THAP5: variants seen among roughly 807,000 people sequenced by gnomAD.
The protein encoded by THAP5 is THAP domain-containing protein 5.
In THAP5, 26 loss-of-function variants were observed where a neutral mutation model predicts 34.0. That is an observed-to-expected ratio of 0.77 (90% confidence interval 0.56 to 1.06). The LOEUF (loss-of-function observed/expected upper bound fraction) is 1.06. THAP5 is among the 50% of genes least tolerant of loss of function. THAP5 has a pLI of 0.00. For synonymous variants in THAP5, 125 were observed against 153.0 expected (o/e 0.82, Z 1.35); for missense variants, 394 against 452.8 (o/e 0.87, Z 1.18).
chr7:108,551,410 T>A (rs572243708), downstream of THAP5, among the ~76,000 whole-genome samples: 32 of 152,220 alleles, frequency 2.1e-4, no homozygotes, highest in Admixed American at 7.2e-4. Flanking sequence ...GAGGACACAA[T>A]GTTCATCCTC....
intron 1 of THAP5, among the ~76,000 whole-genome samples, chr7:108,567,513 G>T (rs1358919593): frequency 6.6e-6 from 1 of 151,812 alleles, no homozygotes; most frequent in Admixed American, 6.5e-5. Context: ...ATTGTTTACT[G>T]GATTGTATTG....
intron 1 of THAP5, 166 bp downstream of exon 1, chr7:108,569,324 T>C (rs1790559283): frequency 6.8e-7 from 1 of 1,460,916 alleles, no homozygotes; most frequent in Non-Finnish European, 9.0e-7. Context: ...AGGGCATTGC[T>C]AGCTAAACTG....
chr7:108,568,781 G>A (rs1412986984), intron 1 of THAP5, among the ~76,000 whole-genome samples: 1 of 152,174 alleles, frequency 6.6e-6, no homozygotes, highest in Non-Finnish European at 1.5e-5. Context: ...TACTTTCCAA[G>A]AGGTCATTAA....
chr7:108,553,866 C>A (rs1176439565), downstream of THAP5, among the ~76,000 whole-genome samples: 1 of 152,096 alleles, frequency 6.6e-6, no homozygotes, highest in East Asian at 1.9e-4. Context: ...ACTGAGTGAC[C>A]ATGAAATAGA....
intron 1 of THAP5, among the ~76,000 whole-genome samples, chr7:108,555,137 T>A (rs1026123503): frequency 1.1e-4 from 16 of 152,080 alleles, no homozygotes; most frequent in African/African-American, 3.9e-4. Context: ...CCATTAAAAA[T>A]GGTCAAACCC....
At chr7:108,559,570 G>A (rs1009940830), downstream of THAP5, among the ~76,000 whole-genome samples, 4 of 152,204 alleles carry the variant, frequency 2.6e-5, no homozygotes, top group African/African-American at 2.4e-5. Context: ...AAGAGATTGT[G>A]AATGAAGTGA....
chr7:108,566,524 A>C (rs1790491393), intron 1 of THAP5, among the ~76,000 whole-genome samples: 4 of 152,210 alleles, frequency 2.6e-5, no homozygotes, highest in Admixed American at 2.6e-4. Flanking sequence ...TGTTATTTCA[A>C]ACAAATGATT....
downstream of THAP5, among the ~76,000 whole-genome samples, chr7:108,559,856 C>T (rs961188452): frequency 2.6e-5 from 4 of 152,082 alleles, no homozygotes; most frequent in African/African-American, 9.7e-5. Flanking sequence ...GAAAACTGCC[C>T]CCATGATCCA....
chr7:108,553,748 T>A (rs2154517843), downstream of THAP5, among the ~76,000 whole-genome samples: 1 of 152,176 alleles, frequency 6.6e-6, no homozygotes, highest in East Asian at 1.9e-4. Flanking sequence ...CAGAAGCTTC[T>A]GCCCTAAAAA....
At chr7:108,560,683 GA>G (rs1339017493), downstream of THAP5, among the ~76,000 whole-genome samples, 1 of 152,210 alleles carries the variant, frequency 6.6e-6, no homozygotes, top group African/African-American at 2.4e-5. Context: ...CAGTTGACAT[GA>G]GGGAGCCTCT....
In THAP5 at chr7:108,569,660, A is replaced by C; in HGVS notation, c.-91T>G. ...ATGCGCCACAGGTCCAGGCCTCTCG[A>C]GCCCCTGCGCCTGCGCTAGCATTCT... is the stretch of plus-strand genomic sequence containing the variant. On this transcript the variant is annotated 5_prime_UTR_variant, in exon 1 of 3. Transcript: ENST00000415914. 6.7e-7 allele frequency: 1 copy of C among 1,484,238 alleles called. No homozygotes were observed. Among genetic ancestry groups the C allele is most frequent in the Non-Finnish European group, 9.1e-7 (1 of 1,099,430 alleles). 91.9% of individuals were successfully genotyped at this position (1,484,238 alleles called of 1,614,324 possible).
At chr7:108,544,984 G>A in the THAP5 span, among the ~76,000 whole-genome samples, 7 of 152,142 alleles carry the variant, frequency 4.6e-5, no homozygotes, top group Admixed American at 1.3e-4. Flanking sequence ...TTGAAATGCA[G>A]TAATGCAAGT....
At chr7:108,550,220 G>A (rs1864345011), downstream of THAP5, among the ~76,000 whole-genome samples, 1 of 151,920 alleles carries the variant, frequency 6.6e-6, no homozygotes, top group Non-Finnish European at 1.5e-5. Flanking sequence ...TTTACTTTTT[G>A]CTTCCAGTGT....
downstream of THAP5, among the ~76,000 whole-genome samples, chr7:108,554,148 T>C (rs1432598755): frequency 3.9e-5 from 6 of 152,168 alleles, no homozygotes; most frequent in Non-Finnish European, 5.9e-5. Flanking sequence ...TCTTGGACTT[T>C]CTAGCCTCTA....
chr7:108,568,957 G>T, intron 1 of THAP5: 1 of 263,686 alleles, frequency 3.8e-6, no homozygotes, highest in Non-Finnish European at 5.9e-6. Context: ...CTTGTTCTCC[G>T]CAGAGTATCT....
At chr7:108,556,249 G>T (rs1226873250) in intron 1 of THAP5, among the ~76,000 whole-genome samples, 1 of 152,058 alleles carries the variant, frequency 6.6e-6, no homozygotes, top group Non-Finnish European at 1.5e-5. Flanking sequence ...CAAATCTCAT[G>T]GTCTTCTCAC....
At chr7:108,551,676 C>G (rs533265619), downstream of THAP5, among the ~76,000 whole-genome samples, 1 of 152,184 alleles carries the variant, frequency 6.6e-6, no homozygotes, top group Admixed American at 6.5e-5. Context: ...ATGGATGAGT[C>G]TTGCCCTGAG....
chr7:108,565,067 G>A lies in THAP5; in HGVS notation c.312C>T (p.Asn104=). The A allele has an allele frequency of 6.6e-7, 1 of 1,516,842 alleles. No individual in the cohort carries two copies. The highest frequency in any genetic ancestry group is 2.5e-5 in the East Asian group (1 of 40,430). The allele number at this position is 1,516,842 out of a possible 1,614,324, so 94.0% of individuals were successfully genotyped here. A position where few individuals can be genotyped will look rare whatever the true frequency, so the allele number is the denominator to read the frequency against. The change falls in exon 3 of 3, where the codon AAC becomes AAT. Residue 104 remains asparagine, a synonymous_variant. Transcript: ENST00000415914. ...GGCATACTTCTTTCTCATCTTCCAA[G>A]TTTTTCTTCTGGGATTTTTTTTTAG... is the stretch of plus-strand genomic sequence containing the variant. ...DPSKKKSQKK[N]LEDEKEVCPK... is the part of the protein sequence containing the mutation.
chr7:108,564,229 C>G lies in THAP5; in HGVS notation c.1150G>C (p.Glu384Gln). The G allele has an allele frequency of 6.2e-7, 1 of 1,605,948 alleles. No individual in the cohort carries two copies. The highest frequency in any genetic ancestry group is 1.1e-5 in the South Asian group (1 of 90,006). Residue 384 changes from glutamate to glutamine, a missense_variant, in exon 3 of 3, where the codon GAA (glutamate) becomes CAA (glutamine). Glu to Gln is a conservative substitution (Grantham distance 29). Transcript: ENST00000415914. The stretch of plus-strand genomic sequence containing the variant: ...ACTTCATATGTTGTAAAATGGTTTT[C>G]TATAATCTTGACGTTTTCTTCAGAT... ...WLSEENVKII[E>Q]NHFTTYEVTM...
Sources: gnomAD v4.1 joint callset for allele counts (sites outside exome capture counted in the v4.1 genomes callset) on GRCh38, gnomAD v4.1.1 for gene constraint, MANE v1.5 for transcripts, NCBI Gene and HGNC (gene_info 2026-07-23, HGNC 2026-07-21) for gene names.